Variants in CWH43 observed in about 807,000 individuals in gnomAD.
CWH43 encodes cell wall biogenesis 43 C-terminal homolog.
A neutral mutation model predicts 85.7 loss-of-function variants in CWH43; 91 were observed. The ratio of observed to expected loss-of-function variants is 1.06; its 90% CI spans 0.90 to 1.26. CWH43 has a LOEUF of 1.26. Among genes scored for constraint, CWH43 ranks in the 50% most tolerant of loss-of-function variants. CWH43 has a pLI of 0.00. For synonymous variants in CWH43, 323 were observed against 293.6 expected, an observed-to-expected ratio of 1.10 and a Z score of -1.02; for missense variants, 869 against 839.2, an observed-to-expected ratio of 1.04 and a Z score of -0.44.
intron 7 of CWH43, among the ~76,000 whole-genome samples, chr4:49,005,044 A>T (rs1258257238): frequency 1.3e-5 from 2 of 152,194 alleles, no homozygotes; most frequent in African/African-American, 4.8e-5. Flanking sequence ...TGTTTGAAAG[A>T]TGAGGAGAAA....
At chr4:48,999,752 A>T (rs995878371) in intron 6 of CWH43, among the ~76,000 whole-genome samples, 3 of 152,192 alleles carry the variant, frequency 2.0e-5, no homozygotes, top group African/African-American at 7.2e-5. Context: ...GAGTTCCATG[A>T]TGAAGCTCCA....
At chr4:49,026,880 T>C (rs750909409) in intron 9 of CWH43, among the ~76,000 whole-genome samples, 7 of 152,248 alleles carry the variant, frequency 4.6e-5, no homozygotes, top group African/African-American at 7.2e-5. Context: ...ACATAATGCC[T>C]TCTTTCCTTT....
At chr4:49,007,469 T>C (rs890036947) in intron 8 of CWH43, 143 bp downstream of exon 8, 1 of 1,061,604 alleles carries the variant, frequency 9.4e-7, no homozygotes, top group Non-Finnish European at 1.3e-6. Flanking sequence ...AATAGCTATC[T>C]TCTCTAGTTT....
chr4:49,061,954 GA>G lies in CWH43; in HGVS notation c.*66del. 2.5e-6 allele frequency: 3 copies of G among 1,186,398 alleles called. No individual in the cohort carries two copies. Among genetic ancestry groups the G allele is most frequent in the Non-Finnish European group, 3.3e-6 (3 of 903,468 alleles). The allele number at this position is 1,186,398 out of a possible 1,614,324, so 73.5% of individuals were successfully genotyped here. A position where few individuals can be genotyped will look rare whatever the true frequency, so the allele number is the denominator to read the frequency against. Reference sequence around the variant, plus strand: ...AGAAAAAAAGTATGTAAGATAAAAAGAAGAGATTAATGAAAGTGGGAAAATA... The same window carrying G: ...AGAAAAAAAGTATGTAAGATAAAAAGAGAGATTAATGAAAGTGGGAAAATA... On this transcript the variant is annotated 3_prime_UTR_variant, in exon 16 of 16. Coordinates refer to ENST00000226432, the MANE Select transcript of CWH43 (RefSeq NM_025087.3).
Position 49,003,751 on chromosome 4 carries a change from G to T in CWH43, c.819G>T (p.Ala273=). The change falls in exon 7 of 16, where the codon GCG becomes GCT. Residue 273 remains alanine (A), a synonymous_variant. Transcript: ENST00000226432. Reference sequence around the variant, plus strand: ...CACAAACAGGAACAGCTTCAGCTGCGGGGCTCCTTTACCTGCACACATGGG... The same window carrying T: ...CACAAACAGGAACAGCTTCAGCTGCTGGGCTCCTTTACCTGCACACATGGG... ...IWWVTGTASA[A]GLLYLHTWAA... 2 of 1,613,814 alleles carry T rather than the reference G, an allele frequency of 1.2e-6. No individual in the cohort carries two copies. Among genetic ancestry groups the T allele is most frequent in the Non-Finnish European group, 1.7e-6 (2 of 1,179,864 alleles).
At chr4:49,022,070 A>G (rs1783765813) in intron 9 of CWH43, among the ~76,000 whole-genome samples, 1 of 152,132 alleles carries the variant, frequency 6.6e-6, no homozygotes, top group African/African-American at 2.4e-5. Context: ...TGTGCTGGCT[A>G]GAACTTTCAG....
intron 6 of CWH43, among the ~76,000 whole-genome samples, chr4:48,999,932 C>T (rs192893287): frequency 4.6e-4 from 70 of 152,210 alleles, no homozygotes; most frequent in Non-Finnish European, 4.6e-4. Flanking sequence ...CTTCCCTCTC[C>T]CCTAGTCTTT....
At chr4:49,028,426 T>G (rs1378340963) in intron 9 of CWH43, among the ~76,000 whole-genome samples, 3 of 152,220 alleles carry the variant, frequency 2.0e-5, no homozygotes, top group Admixed American at 6.5e-5. Flanking sequence ...CTTCCAAACT[T>G]AAGCTAGAAG....
At chr4:49,033,139 C>T (rs1197323279) in intron 12 of CWH43, among the ~76,000 whole-genome samples, 1 of 152,206 alleles carries the variant, frequency 6.6e-6, no homozygotes, top group Non-Finnish European at 1.5e-5. Flanking sequence ...CAAGTGCTTG[C>T]AACCACACAA....
At chr4:49,015,110 A>G (rs1783501372) in intron 8 of CWH43, among the ~76,000 whole-genome samples, 1 of 152,036 alleles carries the variant, frequency 6.6e-6, no homozygotes, top group Admixed American at 6.6e-5. Flanking sequence ...CCAGAATGTC[A>G]ATTTTTGTCT....
At chr4:49,011,534 A>G (rs1249116753) in intron 8 of CWH43, among the ~76,000 whole-genome samples, 2 of 152,134 alleles carry the variant, frequency 1.3e-5, no homozygotes, top group South Asian at 2.1e-4. Flanking sequence ...TCGCCCATTA[A>G]TTGGTGCAGT....
intron 8 of CWH43, among the ~76,000 whole-genome samples, chr4:49,007,987 A>AAAGGGGT: frequency 6.6e-6 from 1 of 152,348 alleles, no homozygotes; most frequent in East Asian, 1.9e-4. Context: ...GTACATACCC[A>AAAGGGGT]GTAATGGGAT....
intron 7 of CWH43, among the ~76,000 whole-genome samples, chr4:49,004,379 A>G (rs1443098311): frequency 6.6e-6 from 1 of 152,092 alleles, no homozygotes; most frequent in Non-Finnish European, 1.5e-5. Flanking sequence ...GGGGATTGTG[A>G]TTTTTTGGGG....
chr4:49,010,090 T>C (rs1783304266), intron 8 of CWH43, among the ~76,000 whole-genome samples: 1 of 152,246 alleles, frequency 6.6e-6, no homozygotes, highest in African/African-American at 2.4e-5. Context: ...AATTCGGCTG[T>C]GAATCCTTCT....
At chr4:49,037,441 G>C (rs540666049) in intron 12 of CWH43, among the ~76,000 whole-genome samples, 1 of 152,220 alleles carries the variant, frequency 6.6e-6, no homozygotes, top group South Asian at 2.1e-4. Context: ...ATGGTAGTGT[G>C]CACCTGTCAT....
intron 4 of CWH43, among the ~76,000 whole-genome samples, chr4:48,993,612 T>A (rs1209384837): frequency 1.3e-5 from 2 of 152,210 alleles, no homozygotes; most frequent in Non-Finnish European, 2.9e-5. Context: ...GTTACAGTTT[T>A]GTGTGTGAAG....
At chr4:49,039,045 G>A (rs1257036070) in intron 13 of CWH43, among the ~76,000 whole-genome samples, 36 of 148,914 alleles carry the variant, frequency 2.4e-4, no homozygotes, top group African/African-American at 7.2e-4. Context: ...GTGACAGAGC[G>A]AGACTCTGTC....
chr4:49,025,251 A>G lies in CWH43; in HGVS notation c.1267-3378A>G, dbSNP rs563820326. Among the ~76,000 whole-genome samples, 300 of 150,486 alleles carry G rather than the reference A, an allele frequency of 2.0e-3. 1 individual carries two copies. The highest frequency in any genetic ancestry group is 6.9e-3 in the African/African-American group (285 of 41,008). On this transcript the variant is annotated intron_variant, in intron 9 of 15. Transcript: ENST00000226432. ...TTTCACTGGAGATTTTTCCATTCATATCCTGTATCATTTTTTTTTTTATTT... is the reference window on the plus strand; with the variant it reads ...TTTCACTGGAGATTTTTCCATTCATGTCCTGTATCATTTTTTTTTTTATTT...
chr4:49,013,575 G>A (rs1360321775), intron 8 of CWH43, among the ~76,000 whole-genome samples: 1 of 152,160 alleles, frequency 6.6e-6, no homozygotes, highest in African/African-American at 2.4e-5. Flanking sequence ...CTTCTGTGTC[G>A]ATCATGCTGG....
Sources: allele counts gnomAD v4.1 joint callset (sites outside exome capture counted in the v4.1 genomes callset), GRCh38; gene constraint gnomAD v4.1.1; transcripts MANE v1.5; gene names NCBI Gene and HGNC (gene_info 2026-07-23, HGNC 2026-07-21).